The following LMNA variants were observed in gnomAD, a reference collection of about 807,000 sequenced individuals.
LMNA encodes lamin.
Under a neutral mutation model 70.4 loss-of-function variants are expected in LMNA, and 20 were observed. That is an observed-to-expected ratio of 0.28 (90% CI 0.20 to 0.41). The LOEUF is 0.41. LMNA is among the 10% of genes least tolerant of loss of function. The probability of loss-of-function intolerance (pLI) is 1.00; values close to 1 mark genes in which losing one functional copy is unlikely to be tolerated. For synonymous variants in LMNA, 339 were observed against 372.8 expected (o/e 0.91, Z 1.04); for missense variants, 652 against 917.2 (o/e 0.71, Z 3.73).
At chr1:156,084,332 G>GGGA (rs1553259248) in intron 2 of LMNA, among the ~76,000 whole-genome samples, 1 of 96,604 alleles carries the variant, frequency 1.0e-5, no homozygotes, top group Non-Finnish European at 1.9e-5. Flanking sequence ...GAAGGTCGGG[G>GGGA]GGTGGTGGGG....
rs1353805433 is a variant in LMNA, at chr1:156,121,196, C to T, written c.356+5922C>T. ...TCCCAAGAAGCTGGGACTATAGGCA[C>T]GTGCCACATGCTCGGCTAATTTTTC... On this transcript the variant is annotated intron_variant, in intron 1 of 11. Coordinates refer to ENST00000368300, the MANE Select transcript of LMNA (RefSeq NM_170707.4). 7.2e-5 allele frequency among the ~76,000 whole-genome samples: 11 copies of T among 151,830 alleles called. No individual in the cohort carries two copies. The East Asian group carries it at 1.4e-3, about 19-fold the overall frequency.
At chr1:156,086,855 T>A (rs534319794) in intron 2 of LMNA, among the ~76,000 whole-genome samples, 60 of 152,294 alleles carry the variant, frequency 3.9e-4, no homozygotes, top group African/African-American at 1.3e-3. Context: ...ACCAGGCTGG[T>A]CTCAAACTCC....
intron 3 of LMNA, among the ~76,000 whole-genome samples, chr1:156,104,754 T>C (rs1011221954): frequency 3.3e-5 from 5 of 152,042 alleles, no homozygotes; most frequent in Non-Finnish European, 7.4e-5. Flanking sequence ...CTCTTTCCTT[T>C]CCTCCAACAG....
In LMNA at chr1:156,134,078, G is replaced by A. The variant is rs1359508891; in HGVS notation, c.514-325G>A. 6.6e-6 allele frequency among the ~76,000 whole-genome samples: 1 copy of A among 152,140 alleles called. No individual in the cohort carries two copies. The highest frequency in any genetic ancestry group is 1.5e-5 in the Non-Finnish European group (1 of 68,022). On this transcript the variant is annotated intron_variant, in intron 2 of 11. Transcript: ENST00000368300. The surrounding 1 kb of genome is among the most constrained non-coding windows in gnomAD (Gnocchi z 5.3). The stretch of plus-strand genomic sequence containing the variant: ...GTCACCCAGGCTGGAGTGCAGTAGT[G>A]CGATCTCGGCTCACTGCAACCTCCA...
chr1:156,133,257 G>A (rs1246215196), intron 2 of LMNA, among the ~76,000 whole-genome samples: 1 of 152,106 alleles, frequency 6.6e-6, no homozygotes, highest in Non-Finnish European at 1.5e-5. Context: ...ACTTAGCCCA[G>A]CCTGTGCTTT....
At chr1:156,127,867 G>A (rs375298191) in intron 1 of LMNA, among the ~76,000 whole-genome samples, 60 of 151,886 alleles carry the variant, frequency 4.0e-4, no homozygotes, top group African/African-American at 1.4e-3. Context: ...TTGTATTTTT[G>A]ATAGAGTCAG....
intron 2 of LMNA, among the ~76,000 whole-genome samples, chr1:156,086,310 C>A (rs180848026): frequency 6.6e-6 from 1 of 152,250 alleles, no homozygotes; most frequent in African/African-American, 2.4e-5. Flanking sequence ...GGTCTAGACT[C>A]GCTGAAATAA....
rs61094188 is a variant in LMNA, at chr1:156,136,257, C to A, written c.1201C>A (p.Arg401Ser). ...PSPTSQRSRGRASSHSSQTQG... is the reference protein window; with the variant it reads ...PSPTSQRSRGSASSHSSQTQG... ...CCCTACCTCGCAGCGCAGCCGTGGCCGTGCTTCCTCTCACTCATCCCAGAC... is the reference window on the plus strand; with the variant it reads ...CCCTACCTCGCAGCGCAGCCGTGGCAGTGCTTCCTCTCACTCATCCCAGAC... The change falls in exon 7 of 12, where the codon CGT becomes AGT. Residue 401 changes from arginine to serine, a missense_variant. By Grantham distance (110) the Arg-to-Ser change is moderately radical. This residue lies in a region of LMNA where 327 missense variants were observed against 387.6 expected (regional missense o/e 0.84). Coordinates refer to ENST00000368300, the MANE Select transcript of LMNA (RefSeq NM_170707.4). The surrounding 1 kb of genome is among the most constrained non-coding windows in gnomAD (Gnocchi z 6.1). 6.2e-7 allele frequency: 1 copy of A among 1,611,956 alleles called. No homozygotes were observed. The highest frequency in any genetic ancestry group is 1.7e-5 in the Admixed American group (1 of 60,034).
At chr1:156,129,779 C>T (rs560233031) in intron 1 of LMNA, 18 of 718,528 alleles carry the variant, frequency 2.5e-5, no homozygotes, top group East Asian at 2.1e-4. Context: ...GCAGAGGCAG[C>T]GCTGTTCGAC....
chr1:156,137,644 TC>T lies in LMNA; in HGVS notation c.1609-6del, dbSNP rs1434413553. 6.4e-7 allele frequency: 1 copy of T among 1,551,312 alleles called. No individual in the cohort carries two copies. Among genetic ancestry groups the T allele is most frequent in the Admixed American group, 2.0e-5 (1 of 50,994 alleles). ...CCTGACCCTTGGACCTGGTTCCATG[TC>T]CCCACCAGGAAGTGGCCATGCGCAA... On this transcript the variant is annotated splice_polypyrimidine_tract_variant and intron_variant, in intron 9 of 11. Coordinates refer to ENST00000368300, the MANE Select transcript of LMNA (RefSeq NM_170707.4). This position sits in a 1 kb window ranked among gnomAD's most constrained non-coding sequence, Gnocchi z 4.6.
At chr1:156,127,709 TAG>T (rs1294701713) in intron 1 of LMNA, among the ~76,000 whole-genome samples, 2 of 147,020 alleles carry the variant, frequency 1.4e-5, no homozygotes, top group South Asian at 2.2e-4. Context: ...TTTTTTGAGA[TAG>T]AGTCTCACTC....
In LMNA at chr1:156,130,764, G is replaced by GGTGGCCAAGGTGAGGCCAC; in HGVS notation, c.505_513+10dup. 4 of 1,582,746 alleles carry GGTGGCCAAGGTGAGGCCAC rather than the reference G, an allele frequency of 2.5e-6. No individual in the cohort carries two copies. The highest frequency in any genetic ancestry group is 2.6e-6 in the Non-Finnish European group (3 of 1,164,464). On this transcript the variant is annotated frameshift_variant, in exon 2 of 12. Coordinates refer to ENST00000368300, the MANE Select transcript of LMNA (RefSeq NM_170707.4). LOFTEE classifies it high-confidence loss of function. ...GCGAGCTGCATGATCTGCGGGGCCA[G>GGTGGCCAAGGTGAGGCCAC]GTGGCCAAGGTGAGGCCACCCTGCA...
intron 1 of LMNA, among the ~76,000 whole-genome samples, chr1:156,116,537 T>A (rs1649839248): frequency 6.6e-6 from 1 of 152,144 alleles, no homozygotes; most frequent in African/African-American, 2.4e-5. Context: ...TGACTTCTTC[T>A]CTCTCTTTTA....
chr1:156,130,871 T>A, intron 2 of LMNA, 98 bp downstream of exon 2: 3 of 1,176,844 alleles, frequency 2.5e-6, no homozygotes, highest in Non-Finnish European at 2.4e-6. Flanking sequence ...TGGTCTGACC[T>A]GTCACCTGAT....
rs558850361 is a variant in LMNA at position 156,105,463 on chromosome 1, G to A, written c.-206-9250G>A. On this transcript the variant is annotated intron_variant, in intron 3 of 12. Coordinates refer to the LMNA transcript ENST00000368301. ...TGAGAGTGCCCCTTGCTCCACCCCA[G>A]CGGCCAGGAAATCTCCTGCAGATTC... Among the ~76,000 whole-genome samples the A allele has an allele frequency of 6.6e-5, 10 of 152,084 alleles. No homozygotes were observed. The East Asian group carries it at 1.9e-3, about 30-fold the overall frequency.
chr1:156,124,282 CCTCT>C (rs373136704), intron 1 of LMNA, among the ~76,000 whole-genome samples: 4 of 150,988 alleles, frequency 2.6e-5, no homozygotes, highest in East Asian at 3.9e-4. Context: ...CCCCTCAGTT[CCTCT>C]CTCTCTCTCT....
At chr1:156,131,824 T>C (rs1030688476) in intron 2 of LMNA, among the ~76,000 whole-genome samples, 1 of 152,186 alleles carries the variant, frequency 6.6e-6, no homozygotes, top group African/African-American at 2.4e-5. Flanking sequence ...GCTTTGTGTA[T>C]ATAGAGTGGC....
At chr1:156,090,927 C>T (rs1212476643) in intron 3 of LMNA, 6 of 152,232 alleles carry the variant, frequency 3.9e-5, no homozygotes, top group African/African-American at 1.4e-4. Context: ...GCTCCAGCCT[C>T]AGCGCCCTCA....
chr1:156,105,276 G>A (rs2102803429), intron 3 of LMNA, among the ~76,000 whole-genome samples: 1 of 152,294 alleles, frequency 6.6e-6, no homozygotes, highest in Middle Eastern at 3.4e-3. Flanking sequence ...GAAGGGAGGT[G>A]GTTGGGCTGC....
Sources: gnomAD v4.1 joint callset for allele counts (sites outside exome capture counted in the v4.1 genomes callset) on GRCh38, gnomAD v4.1.1 for gene constraint, gnomAD v4.1.1 regional missense constraint, Gnocchi (gnomAD v3.1) non-coding constraint, MANE v1.5 for transcripts, NCBI Gene and HGNC (gene_info 2026-07-23, HGNC 2026-07-21) for gene names.